The following ARHGAP10 variants were observed in gnomAD, a reference collection of about 807,000 sequenced individuals.
ARHGAP10 encodes the protein Rho GTPase activating protein 10, also known as rho GTPase-activating protein 10.
ARHGAP10 carries 87 observed loss-of-function variants against 108.6 expected under a neutral mutation model. The ratio of observed to expected loss-of-function variants is 0.80; its 90% CI spans 0.67 to 0.96. The LOEUF (loss-of-function observed/expected upper bound fraction) is 0.96. Among genes scored for constraint, ARHGAP10 ranks in the 40% least tolerant of loss-of-function variants. The pLI is 0.00. For missense variants in ARHGAP10, 939 were observed against 954.5 expected (o/e 0.98, Z 0.21); for synonymous variants, 347 against 341.1 (o/e 1.02, Z -0.19).
intron 19 of ARHGAP10, among the ~76,000 whole-genome samples, chr4:148,029,800 G>C (rs1403586608): frequency 1.3e-5 from 2 of 152,154 alleles, no homozygotes; most frequent in African/African-American, 4.8e-5. Context: ...TTTAATCTAA[G>C]ACCAGGCTTG....
intron 18 of ARHGAP10, among the ~76,000 whole-genome samples, chr4:148,021,866 A>T (rs1741580315): frequency 6.6e-6 from 1 of 152,222 alleles, no homozygotes; most frequent in Non-Finnish European, 1.5e-5. Context: ...TCACTAGCAC[A>T]TATTTGTCTA....
At chr4:147,923,598 G>A (rs1384930393) in intron 13 of ARHGAP10, among the ~76,000 whole-genome samples, 7 of 152,162 alleles carry the variant, frequency 4.6e-5, no homozygotes, top group Non-Finnish European at 8.8e-5. Flanking sequence ...ATCAAATTCA[G>A]CATTGTAACA....
rs139612359 is a variant in ARHGAP10, at chr4:147,768,587, ATAAT to A, written c.154+36134_154+36137del. ...AAGCCAGAGACTTGAACATAATGAAATAATTGTTCATTTTTCAAAACCATAATAT... is the reference window on the plus strand; with the variant it reads ...AAGCCAGAGACTTGAACATAATGAAATGTTCATTTTTCAAAACCATAATAT... On this transcript the variant is annotated intron_variant, in intron 1 of 22. Coordinates refer to ENST00000336498, the MANE Select transcript of ARHGAP10 (RefSeq NM_024605.4). 6.9e-3 allele frequency among the ~76,000 whole-genome samples: 1,054 copies of A among 152,278 alleles called. 14 individuals carry two copies. Among genetic ancestry groups the A allele is most frequent in the African/African-American group, 0.024 (1,011 of 41,544 alleles).
chr4:147,828,982 G>A (rs996382946), intron 3 of ARHGAP10, among the ~76,000 whole-genome samples: 5 of 151,084 alleles, frequency 3.3e-5, no homozygotes, highest in African/African-American at 9.7e-5. Flanking sequence ...AGGTTCAAGC[G>A]ATTTTCCTGC....
At chr4:147,854,908 C>T in intron 4 of ARHGAP10, 1 of 973,730 alleles carries the variant, frequency 1.0e-6, no homozygotes, top group Non-Finnish European at 1.2e-6. Flanking sequence ...TTGATGTCTC[C>T]TTTTTCTTTC....
chr4:148,049,848 GGGGGGCGGGGGGT>G (rs1205667270), intron 20 of ARHGAP10, among the ~76,000 whole-genome samples: 176 of 133,556 alleles, frequency 1.3e-3, no homozygotes, highest in Non-Finnish European at 1.8e-3. Context: ...GGCGGGGGGC[GGGGGGCGGGGGGT>G]GGTGGTGGCG....
chr4:147,887,696 T>G (rs1253203290), intron 10 of ARHGAP10, among the ~76,000 whole-genome samples: 1 of 151,852 alleles, frequency 6.6e-6, no homozygotes, highest in African/African-American at 2.4e-5. Context: ...ACCCCATCTC[T>G]ACTAAAAATA....
intron 19 of ARHGAP10, among the ~76,000 whole-genome samples, chr4:148,043,955 A>C: frequency 6.6e-6 from 1 of 151,996 alleles, no homozygotes; most frequent in East Asian, 1.9e-4. Flanking sequence ...ATTCTCCCTC[A>C]AATTCAGTGA....
At chr4:148,010,961 A>T (rs1741149278) in intron 18 of ARHGAP10, among the ~76,000 whole-genome samples, 1 of 152,220 alleles carries the variant, frequency 6.6e-6, no homozygotes, top group Admixed American at 6.5e-5. Flanking sequence ...GTCTACTTTA[A>T]CTTAGAATAG....
intron 10 of ARHGAP10, among the ~76,000 whole-genome samples, chr4:147,900,105 C>G (rs1244421173): frequency 6.6e-6 from 1 of 152,050 alleles, no homozygotes; most frequent in Non-Finnish European, 1.5e-5. Flanking sequence ...AAGGGTAAAG[C>G]CTGTCTTCTA....
At chr4:147,854,563 C>T (rs188014118) in intron 4 of ARHGAP10, 12 of 305,400 alleles carry the variant, frequency 3.9e-5, no homozygotes, top group African/African-American at 1.1e-4. Context: ...TTTTGGATTA[C>T]GCTGTTACAT....
Position 148,063,185 on chromosome 4 carries a change from A to G in ARHGAP10, c.2065A>G (p.Asn689Asp). ...QTRSSMVQWL[N>D]PQSPTTTSSN... Reference sequence around the variant, plus strand: ...CCGATCGTCTATGGTCCAGTGGCTTAACCCACAGTCTCCAACCACAACAAG... The same window carrying G: ...CCGATCGTCTATGGTCCAGTGGCTTGACCCACAGTCTCCAACCACAACAAG... Residue 689 changes from asparagine (N) to aspartate (D), a missense_variant, in exon 21 of 23, where the codon AAC becomes GAC. By Grantham distance (23) the Asn-to-Asp change is conservative. Coordinates refer to ENST00000336498, the MANE Select transcript of ARHGAP10 (RefSeq NM_024605.4). The G allele has an allele frequency of 1.2e-6, 2 of 1,614,184 alleles. No homozygotes were observed. The highest frequency in any genetic ancestry group is 2.7e-5 in the African/African-American group (2 of 75,038).
At chr4:148,040,722 C>A (rs1728596572) in intron 19 of ARHGAP10, among the ~76,000 whole-genome samples, 1 of 152,054 alleles carries the variant, frequency 6.6e-6, no homozygotes. Flanking sequence ...GGCTAATGGT[C>A]CCTCTGGTTG....
rs149719568 is a variant in ARHGAP10 at position 147,833,621 on chromosome 4, T to C, written c.312+10664T>C. On this transcript the variant is annotated intron_variant, in intron 3 of 22. Coordinates refer to ENST00000336498, the MANE Select transcript of ARHGAP10 (RefSeq NM_024605.4). ...AGTTTTAGAAATATCTTAACAAAAG[T>C]AGTTTGCTTACTTCTTTATGCACAA... Among the ~76,000 whole-genome samples, 427 of 152,300 alleles carry C rather than the reference T, an allele frequency of 2.8e-3. 8 individuals carry two copies. Among genetic ancestry groups the C allele is most frequent in the Admixed American group, 0.02 (308 of 15,298 alleles).
At chr4:147,962,631 C>A (rs890579494) in intron 16 of ARHGAP10, among the ~76,000 whole-genome samples, 8 of 152,096 alleles carry the variant, frequency 5.3e-5, no homozygotes, top group Admixed American at 2.6e-4. Context: ...ATCTATATTT[C>A]TTTGTTCTAC....
At chr4:147,945,007 T>G (rs1738316004) in intron 14 of ARHGAP10, among the ~76,000 whole-genome samples, 1 of 152,198 alleles carries the variant, frequency 6.6e-6, no homozygotes, top group Non-Finnish European at 1.5e-5. Context: ...GCATTTACAT[T>G]ATCTCCATTG....
intron 18 of ARHGAP10, among the ~76,000 whole-genome samples, chr4:148,009,609 A>G (rs1474762504): frequency 6.6e-6 from 1 of 152,226 alleles, no homozygotes; most frequent in Admixed American, 6.5e-5. Context: ...GAAGCCCTGT[A>G]CTGAAAGAAA....
chr4:147,778,868 T>C (rs751785679), intron 1 of ARHGAP10, among the ~76,000 whole-genome samples: 16 of 152,128 alleles, frequency 1.1e-4, no homozygotes, highest in Non-Finnish European at 2.2e-4. Flanking sequence ...GAATGACCAG[T>C]AAAGAGTTTA....
chr4:147,949,704 C>T (rs888706669), intron 15 of ARHGAP10, among the ~76,000 whole-genome samples: 2 of 152,238 alleles, frequency 1.3e-5, no homozygotes, highest in Non-Finnish European at 2.9e-5. Flanking sequence ...CGTACTGCCA[C>T]TCTAGGAGAT....
Sources: gnomAD v4.1 joint callset for allele counts (sites outside exome capture counted in the v4.1 genomes callset) on GRCh38, gnomAD v4.1.1 for gene constraint, MANE v1.5 for transcripts, NCBI Gene and HGNC (gene_info 2026-07-23, HGNC 2026-07-21) for gene names.